Variants in CIITA observed in about 807,000 individuals in gnomAD.
The protein encoded by CIITA is MHC class II transactivator.
In CIITA, 72 loss-of-function variants were observed where a neutral mutation model predicts 115.1. The ratio of observed to expected loss-of-function variants is 0.63; its 90% CI spans 0.52 to 0.76. CIITA has a LOEUF of 0.76. Among genes scored for constraint, CIITA ranks in the 30% least tolerant of loss-of-function variants. The pLI, the probability that CIITA is intolerant of heterozygous loss-of-function variation, is 0.00. For missense variants in CIITA, 1,617 were observed against 1,463.8 expected (o/e 1.10, Z -1.71); for synonymous variants, 763 against 635.6 (o/e 1.20, Z -3.02).
At position 10,941,880 on chromosome 16, in the gene CIITA, G is replaced by A; in HGVS notation, n.1006G>A. 4 of 1,611,828 alleles carry A rather than the reference G, an allele frequency of 2.5e-6. No individual in the cohort carries two copies. Among genetic ancestry groups the A allele is most frequent in the Non-Finnish European group, 3.4e-6 (4 of 1,179,666 alleles). On this transcript the variant is annotated non_coding_transcript_exon_variant, in exon 2 of 2. Coordinates refer to the CIITA transcript ENST00000573379. The surrounding 1 kb of genome is among the most constrained non-coding windows in gnomAD (Gnocchi z 6.4). Reference sequence around the variant, plus strand: ...CGATGTACTCCATGAGGAAGGCGTAGTACAGGATCAGCACATTGACGAAGA... The same window carrying A: ...CGATGTACTCCATGAGGAAGGCGTAATACAGGATCAGCACATTGACGAAGA...
intron 1 of CIITA, among the ~76,000 whole-genome samples, chr16:10,891,953 A>G (rs2037631157): frequency 6.6e-6 from 1 of 152,212 alleles, no homozygotes; most frequent in South Asian, 2.1e-4. Context: ...TGGACTGGAA[A>G]GATCATTCTC....
At chr16:10,921,688 C>T (rs1254010362) in intron 16 of CIITA, among the ~76,000 whole-genome samples, 2 of 152,200 alleles carry the variant, frequency 1.3e-5, no homozygotes, top group African/African-American at 4.8e-5. Flanking sequence ...ACAGTTTCCA[C>T]ACAGTAAGGC....
chr16:10,906,364 C>T, intron 10 of CIITA, 135 bp from the exon 11 acceptor site: 4 of 1,148,000 alleles, frequency 3.5e-6, no homozygotes, highest in Non-Finnish European at 5.0e-6. Flanking sequence ...TGTCTCAAAA[C>T]AAAACAAAAC....
At chr16:10,911,005 G>A (rs938659306) in intron 13 of CIITA, among the ~76,000 whole-genome samples, 1 of 142,514 alleles carries the variant, frequency 7.0e-6, no homozygotes, top group Non-Finnish European at 1.5e-5. Context: ...ACAGTTGGTT[G>A]CTCTATGTGT....
rs1203623928 is a variant in CIITA at position 10,928,866 on chromosome 16, A to T, written c.*5011A>T. 6.6e-6 allele frequency: 1 copy of T among 151,738 alleles called. No homozygotes were observed. Among genetic ancestry groups the T allele is most frequent in the Non-Finnish European group, 1.5e-5 (1 of 67,830 alleles). The allele number at this position is 151,738 out of a possible 1,614,324, so 9.4% of individuals were successfully genotyped here. On this transcript the variant is annotated 3_prime_UTR_variant, in exon 20 of 20. Transcript: ENST00000324288. ...AACTCCTTTCCCGAATCTCAAAGTT[A>T]AAAAAAAAGGCAGGGCCCCAGGGGT...
Position 10,906,706 on chromosome 16 carries a change from A to T in CIITA, c.1214A>T (p.Lys405Met). ...GGLAEVLLAA[K>M]EHRRPRETRV... The stretch of plus-strand genomic sequence containing the variant: ...CTGGCTGAGGTGCTGTTGGCTGCCA[A>T]GGAGCACCGGCGGCCGCGTGAGACA... The change falls in exon 11 of 20, where the codon AAG becomes ATG. Residue 405 changes from lysine (K) to methionine (M), a missense_variant. Lys to Met is a moderately conservative substitution (Grantham distance 95, BLOSUM62 -1). Coordinates refer to ENST00000324288, the MANE Select transcript of CIITA (RefSeq NM_000246.4). 6.2e-7 allele frequency: 1 copy of T among 1,612,476 alleles called. No homozygotes were observed.
intron 7 of CIITA, 41 bp from the exon 8 acceptor site, chr16:10,902,617 T>C (rs1300372728): frequency 1.2e-6 from 2 of 1,613,562 alleles, no homozygotes; most frequent in African/African-American, 1.3e-5. Context: ...CAAACACAGG[T>C]GCTATGCAAG....
chr16:10,896,523 G>A (rs912168713), intron 3 of CIITA, among the ~76,000 whole-genome samples: 1 of 152,156 alleles, frequency 6.6e-6, no homozygotes, highest in Non-Finnish European at 1.5e-5. Context: ...TTGTTTTTTG[G>A]GGGAGAGACG....
chr16:10,901,918 C>T lies in CIITA; in HGVS notation c.482-120C>T. The stretch of plus-strand genomic sequence containing the variant: ...CTGATCAACACAGCTGCAGCCAGGG[C>T]TGAGAAGATGACAAGCATTTCCTCT... On this transcript the variant is annotated intron_variant, in intron 6 of 19. Transcript: ENST00000324288. This position sits in a 1 kb window ranked among gnomAD's most constrained non-coding sequence, Gnocchi z 6.8. The T allele has an allele frequency of 5.8e-6, 8 of 1,390,052 alleles. No homozygotes were observed. The highest frequency in any genetic ancestry group is 1.7e-5 in the Admixed American group (1 of 59,470). 86.1% of individuals were successfully genotyped at this position (1,390,052 alleles called of 1,614,324 possible).
rs751733167 is a variant in CIITA, at chr16:10,907,107, C to A, written c.1615C>A (p.Arg539=). 23 of 1,610,346 alleles carry A rather than the reference C, an allele frequency of 1.4e-5. No individual in the cohort carries two copies. Among genetic ancestry groups the A allele is most frequent in the Non-Finnish European group, 1.9e-5 (22 of 1,179,782 alleles). The change falls in exon 11 of 20, where the codon CGA becomes AGA. Residue 539 remains arginine, a synonymous_variant. Transcript: ENST00000324288. The surrounding 1 kb of genome is among the most constrained non-coding windows in gnomAD (Gnocchi z 5.0). ...LAGLFQKKLL[R]GCTLLLTARP... ...CGGCCTTTTCCAGAAGAAGCTGCTC[C>A]GAGGTTGCACCCTCCTCCTCACAGC...
chr16:10,910,930 C>T (rs976743575), intron 13 of CIITA, among the ~76,000 whole-genome samples: 2 of 152,220 alleles, frequency 1.3e-5, no homozygotes, highest in Admixed American at 1.3e-4. Flanking sequence ...TTGCCTGGGA[C>T]TATCCTGGTT....
In CIITA at chr16:10,909,099, G is replaced by T; in HGVS notation, c.2728G>T (p.Ala910Ser). 6.2e-7 allele frequency: 1 copy of T among 1,614,144 alleles called. No individual in the cohort carries two copies. Reference protein sequence around the residue: ...QQHGETKLLQAAEEKFTIEPF... With the variant: ...QQHGETKLLQSAEEKFTIEPF... ...GCATGGGGAGACCAAGCTACTTCAG[G>T]CAGCAGAGGAGAAGTTCACCATCGA... Residue 910 changes from alanine (A) to serine (S), a missense_variant, in exon 12 of 20, where the codon GCA (alanine) becomes TCA (serine). Physicochemically the swap from Ala to Ser is moderately conservative, Grantham distance 99. Coordinates refer to ENST00000324288, the MANE Select transcript of CIITA (RefSeq NM_000246.4).
upstream of CIITA, among the ~76,000 whole-genome samples, chr16:10,872,588 C>A (rs951108202): frequency 6.6e-6 from 1 of 152,210 alleles, no homozygotes; most frequent in Non-Finnish European, 1.5e-5. Flanking sequence ...CAAAGTATTT[C>A]CCTGCATTCC....
intron 1 of CIITA, among the ~76,000 whole-genome samples, chr16:10,892,591 G>A (rs934403302): frequency 6.6e-6 from 1 of 152,124 alleles, no homozygotes. Flanking sequence ...CAAATCCCTG[G>A]AACCTGTCAG....
intron 13 of CIITA, 86 bp downstream of exon 13, chr16:10,910,345 A>G (rs2144805055): frequency 1.8e-6 from 2 of 1,099,070 alleles, no homozygotes; most frequent in East Asian, 2.5e-5. Context: ...GAATGGAGAT[A>G]GATCTCCAGA....
intron 16 of CIITA, among the ~76,000 whole-genome samples, chr16:10,919,829 G>T (rs550456467): frequency 6.6e-6 from 1 of 152,120 alleles, no homozygotes; most frequent in Admixed American, 6.5e-5. Context: ...TGTCGTTCTT[G>T]CTTTTGAGTT....
chr16:10,937,256 G>A (rs2041041722), downstream of CIITA: 1 of 152,340 alleles, frequency 6.6e-6, no homozygotes, highest in East Asian at 1.9e-4. The surrounding 1 kb of genome is among the most constrained non-coding windows in gnomAD (Gnocchi z 4.2). Flanking sequence ...TCTGTCTCTT[G>A]CTTAGATGAC....
At chr16:10,869,493 G>GGGCTCA (rs2035325412) in intron 1 of CIITA, among the ~76,000 whole-genome samples, 1 of 148,570 alleles carries the variant, frequency 6.7e-6, no homozygotes, top group Non-Finnish European at 1.5e-5. Context: ...CACACTCTGA[G>GGGCTCA]CCCCCTCCCC....
In CIITA at chr16:10,910,256, T is replaced by A. The variant is rs201975951; in HGVS notation, c.2885T>A (p.Phe962Tyr). 1.2e-6 allele frequency: 2 copies of A among 1,613,856 alleles called. No homozygotes were observed. Among genetic ancestry groups the A allele is most frequent in the East Asian group, 4.5e-5 (2 of 44,882 alleles). ...PAVRDLKKLE[F>Y]ALGPVSGPQA... Reference sequence around the variant, plus strand: ...GTTCGGGACCTAAAGAAACTGGAGTTTGCGTAAGCAAAGGGGTGGATTGTC... The same window carrying A: ...GTTCGGGACCTAAAGAAACTGGAGTATGCGTAAGCAAAGGGGTGGATTGTC... The change falls in exon 13 of 20, where the codon TTT becomes TAT. Residue 962 changes from phenylalanine to tyrosine, a missense_variant. By Grantham distance (22) the Phe-to-Tyr change is conservative (BLOSUM62 3). Transcript: ENST00000324288.
Sources: allele counts gnomAD v4.1 joint callset (sites outside exome capture counted in the v4.1 genomes callset), GRCh38; gene constraint gnomAD v4.1.1; non-coding constraint Gnocchi (gnomAD v3.1); transcripts MANE v1.5; gene names NCBI Gene and HGNC (gene_info 2026-07-23, HGNC 2026-07-21).